Variants in UNC5D observed in about 807,000 individuals in gnomAD.
UNC5D encodes the protein netrin receptor UNC5D.
In UNC5D, 39 loss-of-function variants were observed where a neutral mutation model predicts 105.4. That is an observed-to-expected ratio of 0.37 (90% CI 0.29 to 0.48). The LOEUF is 0.48. UNC5D is among the 20% of genes least tolerant of loss of function. The pLI is 0.98. For missense variants in UNC5D, 991 were observed against 1,202.4 expected, an observed-to-expected ratio of 0.82 and a Z score of 2.60; for synonymous variants, 452 against 450.4, an observed-to-expected ratio of 1.00 and a Z score of -0.04.
chr8:35,494,316 G>A (rs1811408167), intron 1 of UNC5D, among the ~76,000 whole-genome samples: 1 of 151,998 alleles, frequency 6.6e-6, no homozygotes, highest in South Asian at 2.1e-4. Context: ...CATGAAATAA[G>A]TTATTAAACA....
chr8:35,711,787 T>C (rs1827982507), intron 8 of UNC5D, among the ~76,000 whole-genome samples: 1 of 152,244 alleles, frequency 6.6e-6, no homozygotes, highest in South Asian at 2.1e-4. Context: ...CCGTTTTTGT[T>C]CTATATTTTC....
chr8:35,545,723 A>G (rs1270125931), intron 1 of UNC5D, among the ~76,000 whole-genome samples: 3 of 152,092 alleles, frequency 2.0e-5, no homozygotes, highest in African/African-American at 7.2e-5. Flanking sequence ...TGATATGTAT[A>G]CAAATATATA....
intron 7 of UNC5D, among the ~76,000 whole-genome samples, chr8:35,688,002 G>A (rs1826135933): frequency 6.6e-6 from 1 of 151,962 alleles, no homozygotes; most frequent in Non-Finnish European, 1.5e-5. Flanking sequence ...CGTGGTGGCA[G>A]GCACCTGTAG....
At chr8:35,438,289 G>C (rs562986095) in intron 1 of UNC5D, among the ~76,000 whole-genome samples, 1 of 152,088 alleles carries the variant, frequency 6.6e-6, no homozygotes, top group East Asian at 1.9e-4. Flanking sequence ...TAACTCATTT[G>C]TATAATGCGA....
At chr8:35,441,784 T>C (rs1440241016) in intron 1 of UNC5D, among the ~76,000 whole-genome samples, 1 of 151,294 alleles carries the variant, frequency 6.6e-6, no homozygotes, top group African/African-American at 2.4e-5. Flanking sequence ...TAGATCTTAC[T>C]TGGGAGGAAC....
chr8:35,536,931 G>A (rs1174967334), intron 1 of UNC5D, among the ~76,000 whole-genome samples: 1 of 152,180 alleles, frequency 6.6e-6, no homozygotes, highest in Non-Finnish European at 1.5e-5. Context: ...GGGAGGCGAA[G>A]GTTGCAATGA....
intron 1 of UNC5D, among the ~76,000 whole-genome samples, chr8:35,522,674 G>T (rs953650516): frequency 6.6e-6 from 1 of 152,156 alleles, no homozygotes; most frequent in Non-Finnish European, 1.5e-5. Context: ...AACTACTTCA[G>T]TGAACCTAGA....
At chr8:35,567,572 C>A (rs942915494) in intron 2 of UNC5D, among the ~76,000 whole-genome samples, 4 of 152,180 alleles carry the variant, frequency 2.6e-5, no homozygotes, top group Non-Finnish European at 5.9e-5. Flanking sequence ...TTGTCCTGAG[C>A]CTTTGAATGC....
intron 1 of UNC5D, among the ~76,000 whole-genome samples, chr8:35,497,598 G>A (rs1020290506): frequency 2.0e-5 from 3 of 151,682 alleles, no homozygotes; most frequent in African/African-American, 7.3e-5. Context: ...CTTTTGGACA[G>A]CCAATGGAAA....
chr8:35,533,335 G>T (rs1209006479), intron 1 of UNC5D, among the ~76,000 whole-genome samples: 2 of 152,078 alleles, frequency 1.3e-5, no homozygotes, highest in African/African-American at 4.8e-5. Flanking sequence ...CCCTGCTGGG[G>T]GGTGCCTCCC....
chr8:35,783,067 T>C (rs1014539157), intron 16 of UNC5D, among the ~76,000 whole-genome samples: 2 of 151,594 alleles, frequency 1.3e-5, no homozygotes, highest in Admixed American at 1.3e-4. Flanking sequence ...CACTTGAGCC[T>C]GAGAGGTCAA....
intron 4 of UNC5D, among the ~76,000 whole-genome samples, chr8:35,604,329 C>G (rs1820116194): frequency 6.6e-6 from 1 of 152,160 alleles, no homozygotes; most frequent in Non-Finnish European, 1.5e-5. Flanking sequence ...ATATGAAATT[C>G]TGGGTTGAAA....
At chr8:35,457,317 C>T (rs1369512008) in intron 1 of UNC5D, among the ~76,000 whole-genome samples, 1 of 152,146 alleles carries the variant, frequency 6.6e-6, no homozygotes, top group African/African-American at 2.4e-5. Flanking sequence ...ACTAGAGGCT[C>T]TCCTAGTTTA....
intron 14 of UNC5D, among the ~76,000 whole-genome samples, chr8:35,766,271 A>T (rs569162157): frequency 6.6e-6 from 1 of 152,204 alleles, no homozygotes; most frequent in South Asian, 2.1e-4. Flanking sequence ...TGAAGAACTG[A>T]CAAACTAGAT....
chr8:35,568,027 C>T (rs1817472518), intron 2 of UNC5D, 71 bp from the exon 3 acceptor site: 1 of 1,568,428 alleles, frequency 6.4e-7, no homozygotes, highest in African/African-American at 1.4e-5. Context: ...AAAGGTTTGG[C>T]TAACCTTAAC....
intron 8 of UNC5D, among the ~76,000 whole-genome samples, chr8:35,712,923 C>G (rs1828044135): frequency 6.6e-6 from 1 of 152,144 alleles, no homozygotes; most frequent in African/African-American, 2.4e-5. Flanking sequence ...TTCCTCATCT[C>G]CTGCTGATCA....
rs367788400 is a variant in UNC5D at position 35,300,827 on chromosome 8, T to C, written c.103+64940T>C. Among the ~76,000 whole-genome samples, 93 of 152,298 alleles carry C rather than the reference T, an allele frequency of 6.1e-4. 1 individual carries two copies. In the South Asian group the frequency reaches 9.7e-3, roughly 16 times the overall value. On this transcript the variant is annotated intron_variant, in intron 1 of 16. Coordinates refer to ENST00000404895, the MANE Select transcript of UNC5D (RefSeq NM_080872.4). The stretch of plus-strand genomic sequence containing the variant: ...TAATGAGAGGTGGATTTCTTTGTAT[T>C]GAAAAAATCAAGTTACAAATAAGGA...
chr8:35,789,149 A>G (rs1404070047), intron 16 of UNC5D, among the ~76,000 whole-genome samples: 2 of 56,130 alleles, frequency 3.6e-5, no homozygotes, highest in African/African-American at 1.6e-4. Context: ...ATATATATAT[A>G]TATATATATA....
intron 3 of UNC5D, among the ~76,000 whole-genome samples, chr8:35,582,942 G>A (rs1818551401): frequency 6.6e-6 from 1 of 152,144 alleles, no homozygotes; most frequent in African/African-American, 2.4e-5. Flanking sequence ...TTCAACCATG[G>A]GGTTCATTTT....
Sources: allele counts gnomAD v4.1 joint callset (sites outside exome capture counted in the v4.1 genomes callset), GRCh38; gene constraint gnomAD v4.1.1; transcripts MANE v1.5; gene names NCBI Gene and HGNC (gene_info 2026-07-23, HGNC 2026-07-21).